PBX3: variants seen among roughly 807,000 people sequenced by gnomAD.
PBX3 encodes pre-B-cell leukemia transcription factor 3.
PBX3 carries 14 observed loss-of-function variants against 48.5 expected under a neutral mutation model. The ratio of observed to expected loss-of-function variants is 0.29; its 90% confidence interval spans 0.19 to 0.45. The LOEUF (loss-of-function observed/expected upper bound fraction) is 0.45. Ranked by LOEUF, PBX3 falls within the 20% of genes least tolerant of loss-of-function variation. The probability of loss-of-function intolerance (pLI) is 1.00; values close to 1 mark genes in which losing one functional copy is unlikely to be tolerated. For missense variants in PBX3, 386 were observed against 546.7 expected (o/e 0.71, Z 2.93); for synonymous variants, 210 against 200.3 (o/e 1.05, Z -0.41).
At chr9:125,918,604 A>G (rs1393188839) in intron 3 of PBX3, among the ~76,000 whole-genome samples, 1 of 152,186 alleles carries the variant, frequency 6.6e-6, no homozygotes, top group Non-Finnish European at 1.5e-5. Flanking sequence ...AAAAATATAG[A>G]TATATAAAAT....
chr9:125,952,010 A>G (rs1273658314), intron 5 of PBX3, among the ~76,000 whole-genome samples: 1 of 152,228 alleles, frequency 6.6e-6, no homozygotes, highest in African/African-American at 2.4e-5. Flanking sequence ...TTCAAATTGA[A>G]TCACATAATG....
intron 2 of PBX3, among the ~76,000 whole-genome samples, chr9:125,850,896 C>G (rs529292531): frequency 6.6e-6 from 1 of 152,188 alleles, no homozygotes; most frequent in Non-Finnish European, 1.5e-5. Flanking sequence ...ATGTCACAAA[C>G]AATGAATGGC....
intron 5 of PBX3, among the ~76,000 whole-genome samples, chr9:125,938,158 T>C (rs756563697): frequency 2.7e-4 from 41 of 152,200 alleles, no homozygotes; most frequent in Non-Finnish European, 4.1e-4. Flanking sequence ...TTACTGCAAC[T>C]GCTTATAATA....
chr9:125,960,437 G>A (rs760534995), intron 5 of PBX3, among the ~76,000 whole-genome samples: 50 of 152,234 alleles, frequency 3.3e-4, no homozygotes, highest in Non-Finnish European at 6.5e-4. Flanking sequence ...TATGAGCAGC[G>A]CTCCCTGCCG....
At chr9:125,926,135 A>G (rs1042342273) in intron 3 of PBX3, among the ~76,000 whole-genome samples, 2 of 152,240 alleles carry the variant, frequency 1.3e-5, no homozygotes, top group African/African-American at 2.4e-5. Flanking sequence ...TTATATAAAC[A>G]TCTCCTTAGG....
At chr9:125,852,044 CAAAT>C (rs777742670) in intron 2 of PBX3, among the ~76,000 whole-genome samples, 74 of 151,728 alleles carry the variant, frequency 4.9e-4, no homozygotes, top group Non-Finnish European at 2.1e-4. Context: ...TGTTTAAAAA[CAAAT>C]AAATAAAAAG....
At chr9:125,885,464 A>G (rs1159600570) in intron 2 of PBX3, among the ~76,000 whole-genome samples, 1 of 152,152 alleles carries the variant, frequency 6.6e-6, no homozygotes, top group East Asian at 1.9e-4. Flanking sequence ...TTAAAGAGGA[A>G]GTAAGTCACA....
chr9:125,793,277 G>T (rs1416931533), intron 2 of PBX3, among the ~76,000 whole-genome samples: 1 of 149,398 alleles, frequency 6.7e-6, no homozygotes, highest in African/African-American at 2.5e-5. Context: ...GCGTGAACCT[G>T]GGAGGCAGAG....
intron 2 of PBX3, among the ~76,000 whole-genome samples, chr9:125,866,372 A>T (rs772694666): frequency 1.3e-5 from 2 of 152,196 alleles, no homozygotes; most frequent in Non-Finnish European, 2.9e-5. Context: ...TTAGTTTAAA[A>T]TATGGCATTA....
intron 2 of PBX3, among the ~76,000 whole-genome samples, chr9:125,849,325 C>A (rs1451407372): frequency 6.6e-6 from 1 of 150,918 alleles, no homozygotes; most frequent in South Asian, 2.1e-4. Context: ...AGCAGCATAT[C>A]CATAAGGAAT....
At chr9:125,949,447 A>T (rs1842141124) in intron 5 of PBX3, 1 of 1,550,680 alleles carries the variant, frequency 6.4e-7, no homozygotes. Context: ...CGTGGTAAGT[A>T]TTCACAGGCT....
chr9:125,770,816 C>T (rs1836922002), intron 2 of PBX3, among the ~76,000 whole-genome samples: 1 of 152,152 alleles, frequency 6.6e-6, no homozygotes, highest in African/African-American at 2.4e-5. Flanking sequence ...AAAAAAGAAC[C>T]ACCTCTTTGG....
intron 2 of PBX3, among the ~76,000 whole-genome samples, chr9:125,902,006 C>A (rs1394884336): frequency 6.6e-6 from 1 of 151,524 alleles, no homozygotes; most frequent in South Asian, 2.1e-4. Context: ...CCCAAATCTT[C>A]TGTTTCTTGA....
Position 125,929,817 on chromosome 9 carries a change from A to G in PBX3, c.679A>G (p.Ile227Val), listed in dbSNP as rs755303268. Residue 227 changes from isoleucine (I) to valine (V), a missense_variant, in exon 4 of 9, where the codon ATT (isoleucine) becomes GTT (valine). Ile to Val is a conservative substitution (Grantham distance 29). This residue lies in a region of PBX3 where 74 missense variants were observed against 206.1 expected (regional missense o/e 0.36). Transcript: ENST00000373489. ...LKQSTCEAVM[I>V]LRSRFLDARR... Reference sequence around the variant, plus strand: ...ACAAAGCACTTGTGAAGCAGTTATGATTTTAAGATCAAGGTTCCTTGATGC... The same window carrying G: ...ACAAAGCACTTGTGAAGCAGTTATGGTTTTAAGATCAAGGTTCCTTGATGC... 1.2e-6 allele frequency: 2 copies of G among 1,613,864 alleles called. No homozygotes were observed. The highest frequency in any genetic ancestry group is 2.7e-5 in the African/African-American group (2 of 74,922).
chr9:125,953,360 G>A (rs1480965954), intron 5 of PBX3, among the ~76,000 whole-genome samples: 4 of 151,866 alleles, frequency 2.6e-5, no homozygotes, highest in South Asian at 2.1e-4. Context: ...ACCTGTAGTC[G>A]CAGCTACTCA....
chr9:125,776,325 G>GT (rs558451556), intron 2 of PBX3, among the ~76,000 whole-genome samples: 179 of 149,022 alleles, frequency 1.2e-3, no homozygotes, highest in African/African-American at 3.1e-3. Context: ...TTGTCAAATA[G>GT]TTTTTTTTTT....
intron 2 of PBX3, among the ~76,000 whole-genome samples, chr9:125,914,867 C>G (rs1033695814): frequency 6.6e-6 from 1 of 152,152 alleles, no homozygotes; most frequent in Admixed American, 6.5e-5. Flanking sequence ...TGGCAGAAAG[C>G]CTGTGTGACC....
intron 5 of PBX3, among the ~76,000 whole-genome samples, chr9:125,959,946 A>T (rs1302883789): frequency 6.6e-6 from 1 of 152,202 alleles, no homozygotes; most frequent in African/African-American, 2.4e-5. Context: ...TTGACGTGTG[A>T]TGAAATCTGC....
chr9:125,927,816 A>T (rs908441595), intron 3 of PBX3, among the ~76,000 whole-genome samples: 1 of 152,186 alleles, frequency 6.6e-6, no homozygotes, highest in Non-Finnish European at 1.5e-5. Context: ...AGGTGGGAGG[A>T]TCTCTTTAGG....
Sources: allele counts gnomAD v4.1 joint callset (sites outside exome capture counted in the v4.1 genomes callset), GRCh38; gene constraint gnomAD v4.1.1; regional missense constraint gnomAD v4.1.1; transcripts MANE v1.5; gene names NCBI Gene and HGNC (gene_info 2026-07-23, HGNC 2026-07-21).